HS6ST3: variants seen among roughly 807,000 people sequenced by gnomAD.
The protein encoded by HS6ST3 is heparan sulfate 6-O-sulfotransferase 3, also known as heparan-sulfate 6-O-sulfotransferase 3.
A neutral mutation model predicts 36.7 loss-of-function variants in HS6ST3; 12 were observed. The observed-to-expected ratio is 0.33, with a 90% confidence interval of 0.21 to 0.53. The LOEUF (loss-of-function observed/expected upper bound fraction) is 0.53. HS6ST3 is among the 20% of genes least tolerant of loss of function. The pLI, the probability that HS6ST3 is intolerant of heterozygous loss-of-function variation, is 0.95. For synonymous variants in HS6ST3, 240 were observed against 257.5 expected (o/e 0.93, Z 0.65); for missense variants, 584 against 640.9 (o/e 0.91, Z 0.96).
At chr13:96,776,537 A>G (rs1877390904) in intron 1 of HS6ST3, among the ~76,000 whole-genome samples, 1 of 152,172 alleles carries the variant, frequency 6.6e-6, no homozygotes, top group Non-Finnish European at 1.5e-5. Flanking sequence ...AGAAATACGA[A>G]CTACCATCAG....
chr13:96,572,407 A>AT (rs1181849424), intron 1 of HS6ST3, among the ~76,000 whole-genome samples: 1 of 152,226 alleles, frequency 6.6e-6, no homozygotes, highest in Non-Finnish European at 1.5e-5. Flanking sequence ...TCAATAGCAC[A>AT]TTTTTAATGT....
chr13:96,153,139 T>A (rs2139324471), intron 1 of HS6ST3, among the ~76,000 whole-genome samples: 1 of 152,162 alleles, frequency 6.6e-6, no homozygotes, highest in East Asian at 1.9e-4. Context: ...CACACCTACA[T>A]CTCCAACCCC....
At chr13:96,220,108 G>T (rs1348957619) in intron 1 of HS6ST3, among the ~76,000 whole-genome samples, 1 of 152,196 alleles carries the variant, frequency 6.6e-6, no homozygotes, top group East Asian at 1.9e-4. Flanking sequence ...GATAGACAAA[G>T]CAGACTGCAC....
chr13:96,494,968 G>A (rs1156323697), intron 1 of HS6ST3, among the ~76,000 whole-genome samples: 1 of 152,160 alleles, frequency 6.6e-6, no homozygotes, highest in Non-Finnish European at 1.5e-5. Flanking sequence ...GGCTTCGTGT[G>A]CCTAATTACA....
At chr13:96,587,510 C>A (rs78669194) in intron 1 of HS6ST3, among the ~76,000 whole-genome samples, 1 of 152,312 alleles carries the variant, frequency 6.6e-6, no homozygotes, top group Non-Finnish European at 1.5e-5. Context: ...TGGGCAACTG[C>A]ATGTAGCAAA....
At chr13:96,568,718 G>A (rs1362288309) in intron 1 of HS6ST3, among the ~76,000 whole-genome samples, 1 of 152,168 alleles carries the variant, frequency 6.6e-6, no homozygotes, top group African/African-American at 2.4e-5. Flanking sequence ...CATACCATAT[G>A]CCATATATTT....
At chr13:96,121,322 A>T (rs183348374) in intron 1 of HS6ST3, among the ~76,000 whole-genome samples, 2 of 152,316 alleles carry the variant, frequency 1.3e-5, no homozygotes, top group East Asian at 3.9e-4. Flanking sequence ...AGTTTATTAG[A>T]GGCTCATTAA....
At chr13:96,299,528 T>C (rs1044850148) in intron 1 of HS6ST3, among the ~76,000 whole-genome samples, 5 of 152,008 alleles carry the variant, frequency 3.3e-5, no homozygotes, top group Admixed American at 3.3e-4. Flanking sequence ...TCCAGAACAA[T>C]GGAACAGAGT....
At chr13:96,328,279 C>G (rs1158054143) in intron 1 of HS6ST3, among the ~76,000 whole-genome samples, 1 of 149,622 alleles carries the variant, frequency 6.7e-6, no homozygotes, top group Non-Finnish European at 1.5e-5. Flanking sequence ...GGGAATGCTT[C>G]TAGTTTTTGC....
intron 1 of HS6ST3, among the ~76,000 whole-genome samples, chr13:96,554,329 A>C (rs904580256): frequency 6.6e-6 from 1 of 152,202 alleles, no homozygotes; most frequent in African/African-American, 2.4e-5. Context: ...AAATTTATCT[A>C]TCTCTATGTA....
chr13:96,280,153 A>G (rs140916845), intron 1 of HS6ST3, among the ~76,000 whole-genome samples: 6 of 152,200 alleles, frequency 3.9e-5, no homozygotes, highest in African/African-American at 1.4e-4. Flanking sequence ...TAGCTCCTGG[A>G]TGGTTCTGCA....
chr13:96,322,030 T>G (rs2139415363), intron 1 of HS6ST3, among the ~76,000 whole-genome samples: 1 of 152,154 alleles, frequency 6.6e-6, no homozygotes, highest in South Asian at 2.1e-4. Flanking sequence ...AGAGCAGAAC[T>G]TCTGGATTCC....
intron 1 of HS6ST3, among the ~76,000 whole-genome samples, chr13:96,346,645 C>T (rs1392339714): frequency 6.6e-6 from 1 of 151,886 alleles, no homozygotes; most frequent in Non-Finnish European, 1.5e-5. Flanking sequence ...TTTGTATATT[C>T]CTGCTAGAGA....
intron 1 of HS6ST3, among the ~76,000 whole-genome samples, chr13:96,810,995 C>A (rs1315252994): frequency 6.6e-6 from 1 of 152,122 alleles, no homozygotes; most frequent in African/African-American, 2.4e-5. Context: ...AAAACAAATT[C>A]TCTAGAGATC....
chr13:96,758,786 G>A (rs183770324), intron 1 of HS6ST3, among the ~76,000 whole-genome samples: 4 of 151,810 alleles, frequency 2.6e-5, no homozygotes, highest in African/African-American at 9.6e-5. Context: ...TATCAATCTT[G>A]GTGAACTTTT....
chr13:96,762,752 T>C (rs1216468888), intron 1 of HS6ST3, among the ~76,000 whole-genome samples: 6 of 152,198 alleles, frequency 3.9e-5, no homozygotes, highest in Non-Finnish European at 7.3e-5. Flanking sequence ...GTATATTTAT[T>C]TGATGTTCAG....
At chr13:96,673,614 A>C (rs1171103762) in intron 1 of HS6ST3, among the ~76,000 whole-genome samples, 1 of 152,064 alleles carries the variant, frequency 6.6e-6, no homozygotes, top group Non-Finnish European at 1.5e-5. Flanking sequence ...GAATTCCTCT[A>C]GTCAGTTGTC....
At chr13:96,553,204 A>G (rs1356205787) in intron 1 of HS6ST3, among the ~76,000 whole-genome samples, 4 of 152,186 alleles carry the variant, frequency 2.6e-5, no homozygotes, top group Non-Finnish European at 2.9e-5. Flanking sequence ...TTCCTGGCTT[A>G]TAGCCCCTTC....
chr13:96,190,764 C>T (rs924186149), intron 1 of HS6ST3, among the ~76,000 whole-genome samples: 5 of 152,196 alleles, frequency 3.3e-5, no homozygotes, highest in African/African-American at 4.8e-5. Flanking sequence ...GGGCAGGCCT[C>T]GTGAGGAGAG....
Sources: gnomAD v4.1 joint callset for allele counts (sites outside exome capture counted in the v4.1 genomes callset) on GRCh38, gnomAD v4.1.1 for gene constraint, MANE v1.5 for transcripts, NCBI Gene and HGNC (gene_info 2026-07-23, HGNC 2026-07-21) for gene names.